NT5C1B: variants seen among roughly 807,000 people sequenced by gnomAD.
NT5C1B encodes cytosolic 5'-nucleotidase 1B.
A neutral mutation model predicts 57.8 loss-of-function variants in NT5C1B; 44 were observed. The ratio of observed to expected loss-of-function variants is 0.76; its 90% confidence interval spans 0.60 to 0.98. NT5C1B has a LOEUF of 0.98. NT5C1B is among the 50% of genes least tolerant of loss of function. The pLI is 0.00. For synonymous variants in NT5C1B, 284 were observed against 282.6 expected (o/e 1.00, Z -0.05); for missense variants, 742 against 719.5 (o/e 1.03, Z -0.36).
At chr2:18,564,586 G>C (rs1220876666) in intron 8 of NT5C1B, among the ~76,000 whole-genome samples, 1 of 152,114 alleles carries the variant, frequency 6.6e-6, no homozygotes, top group Non-Finnish European at 1.5e-5. Flanking sequence ...ATCTAACTGT[G>C]TCTTTCATTT....
chr2:18,585,028 C>T lies in NT5C1B; in HGVS notation c.259-50G>A, dbSNP rs779410902. ...AAGTCGAGGCCTGCCTGCCCATCTCCGGTCAAGGATCTGTCCCTTCTGCCT... is the reference window on the plus strand; with the variant it reads ...AAGTCGAGGCCTGCCTGCCCATCTCTGGTCAAGGATCTGTCCCTTCTGCCT... On this transcript the variant is annotated intron_variant, in intron 3 of 8. Transcript: ENST00000304081. The T allele has an allele frequency of 2.8e-5, 45 of 1,583,474 alleles. No individual in the cohort carries two copies. The Middle Eastern group carries it at 5.2e-4, about 18-fold the overall frequency.
chr2:18,584,202 G>T lies in NT5C1B; in HGVS notation c.777C>A (p.Asn259Lys), dbSNP rs1666452673. ...CGTAGATTTTCCTGCCGTCCACCAT[G>T]TTGAAGAGCGCGCAGGATGAGAGAG... is the stretch of plus-strand genomic sequence containing the variant. The change falls in exon 5 of 9, where the codon AAC (asparagine) becomes AAA (lysine). Residue 259 changes from asparagine (N) to lysine (K), a missense_variant. Physicochemically the swap from Asn to Lys is moderately conservative, Grantham distance 94. Transcript: ENST00000304081. The surrounding 1 kb of genome is among the most constrained non-coding windows in gnomAD (Gnocchi z 5.8). The T allele has an allele frequency of 6.2e-7, 1 of 1,614,072 alleles. No individual in the cohort carries two copies. The highest frequency in any genetic ancestry group is 1.3e-5 in the African/African-American group (1 of 74,922).
intron 8 of NT5C1B, among the ~76,000 whole-genome samples, chr2:18,568,789 G>A (rs11903725): frequency 0.19 from 29,498 of 151,928 alleles, 5,857 homozygotes; most frequent in African/African-American, 0.51. Context: ...ACTCAAACCC[G>A]CTTGGAGTCT....
At chr2:18,563,681 G>C in exon 9 of NT5C1B, 1 of 1,208,498 alleles carries the variant, frequency 8.3e-7, no homozygotes, top group Non-Finnish European at 1.1e-6. Context: ...CCTTTCCAAA[G>C]AAGCAAAGTT....
At chr2:18,575,554 A>G in intron 8 of NT5C1B, among the ~76,000 whole-genome samples, 1 of 152,216 alleles carries the variant, frequency 6.6e-6, no homozygotes. Flanking sequence ...TTTTGATTTC[A>G]GATTTCCTTT....
intron 8 of NT5C1B, among the ~76,000 whole-genome samples, chr2:18,572,701 T>C (rs999235658): frequency 2.6e-5 from 4 of 152,144 alleles, no homozygotes; most frequent in African/African-American, 9.7e-5. Flanking sequence ...TCAGTAACAT[T>C]TGTCATTAAA....
chr2:18,575,130 G>C (rs576770735), intron 8 of NT5C1B, among the ~76,000 whole-genome samples: 1 of 152,086 alleles, frequency 6.6e-6, no homozygotes, highest in African/African-American at 2.4e-5. Context: ...TTGTTTAAGT[G>C]TTCTTTTTAT....
rs549152101 is a variant in NT5C1B at position 18,563,148 on chromosome 2, G to A, written c.*648C>T. ...GAGACTTCAAATATGAAACTCTGTG[G>A]ATCAGAGGCATTTAACCCACCAAAT... On this transcript the variant is annotated 3_prime_UTR_variant, in exon 9 of 9. Transcript: ENST00000304081. 6.6e-5 allele frequency: 10 copies of A among 152,086 alleles called. No individual in the cohort carries two copies. The South Asian group carries it at 1.9e-3, about 28-fold the overall frequency. The allele number at this position is 152,086 out of a possible 1,614,324, so 9.4% of individuals were successfully genotyped here. A position where few individuals can be genotyped will look rare whatever the true frequency, so the allele number is the denominator to read the frequency against.
chr2:18,570,911 A>G (rs758186483), intron 8 of NT5C1B, among the ~76,000 whole-genome samples: 3 of 152,230 alleles, frequency 2.0e-5, no homozygotes, highest in Non-Finnish European at 4.4e-5. Context: ...TGTAATTTAC[A>G]TAACAACAGA....
chr2:18,567,048 G>A (rs1664705777), intron 8 of NT5C1B, among the ~76,000 whole-genome samples: 1 of 152,166 alleles, frequency 6.6e-6, no homozygotes, highest in Non-Finnish European at 1.5e-5. Flanking sequence ...GTCCACCAAT[G>A]AGAGAGCATA....
At chr2:18,568,202 T>C (rs996422640) in intron 8 of NT5C1B, among the ~76,000 whole-genome samples, 1 of 150,546 alleles carries the variant, frequency 6.6e-6, no homozygotes, top group African/African-American at 2.4e-5. Flanking sequence ...CATTACATAC[T>C]AAGGACCAAA....
At position 18,584,178 on chromosome 2, in the gene NT5C1B, G is replaced by T; in HGVS notation, c.801C>A (p.Tyr267Ter). The T allele has an allele frequency of 1.9e-6, 3 of 1,614,156 alleles. No individual in the cohort carries two copies. The highest frequency in any genetic ancestry group is 2.5e-6 in the Non-Finnish European group (3 of 1,180,036). Residue 267 changes from tyrosine to a stop codon, truncating the protein, a stop_gained, in exon 5 of 9, where the codon TAC becomes TAA. Coordinates refer to ENST00000304081, the Ensembl canonical transcript of NT5C1B. LOFTEE classifies it high-confidence loss of function. The surrounding 1 kb of genome is among the most constrained non-coding windows in gnomAD (Gnocchi z 5.8). ...TGTACTTTTCCAGACCCTCTTGCTC[G>T]TAGATTTTCCTGCCGTCCACCATGT...
intron 8 of NT5C1B, among the ~76,000 whole-genome samples, chr2:18,574,012 A>G (rs1422099629): frequency 6.6e-6 from 1 of 152,212 alleles, no homozygotes; most frequent in African/African-American, 2.4e-5. Context: ...AAGCAAAGGA[A>G]ACAACAGAGT....
intron 2 of NT5C1B, chr2:18,587,035 A>G (rs373559057): frequency 6.2e-7 from 1 of 1,614,072 alleles, no homozygotes; most frequent in African/African-American, 1.3e-5. Context: ...CACAACAGGC[A>G]CATGTGAATA....
chr2:18,580,439 C>T (rs2148147393), intron 6 of NT5C1B, among the ~76,000 whole-genome samples: 1 of 152,222 alleles, frequency 6.6e-6, no homozygotes, highest in East Asian at 1.9e-4. Flanking sequence ...CATGGAGAAA[C>T]CCTGTCTCTA....
chr2:18,583,892 T>C (rs984357418), intron 5 of NT5C1B, 196 bp downstream of exon 5: 11 of 857,292 alleles, frequency 1.3e-5, no homozygotes, highest in Non-Finnish European at 2.1e-5. Flanking sequence ...TCTAGGGCTG[T>C]GGGCTGGAGT....
chr2:18,584,150 C>G lies in NT5C1B; in HGVS notation c.829G>C (p.Glu277Gln), dbSNP rs780871684. ...ACGTTCTCATTGGTGAGCTGATACT[C>G]CATGTACTTTTCCAGACCCTCTTGC... Residue 277 changes from glutamate to glutamine, a missense_variant, in exon 5 of 9, where the codon GAG becomes CAG. Glu to Gln is a conservative substitution (Grantham distance 29). Transcript: ENST00000304081. This position sits in a 1 kb window ranked among gnomAD's most constrained non-coding sequence, Gnocchi z 5.8. The G allele has an allele frequency of 3.7e-6, 6 of 1,614,054 alleles. No individual in the cohort carries two copies. Among genetic ancestry groups the G allele is most frequent in the Non-Finnish European group, 5.1e-6 (6 of 1,180,046 alleles).
At chr2:18,575,961 G>T (rs1344222576) in intron 8 of NT5C1B, among the ~76,000 whole-genome samples, 1 of 152,080 alleles carries the variant, frequency 6.6e-6, no homozygotes, top group Non-Finnish European at 1.5e-5. Flanking sequence ...TTTCCAAAAG[G>T]ATAGATAAAA....
intron 8 of NT5C1B, among the ~76,000 whole-genome samples, chr2:18,569,676 G>A (rs1369808804): frequency 6.6e-6 from 1 of 151,806 alleles, no homozygotes; most frequent in Non-Finnish European, 1.5e-5. Flanking sequence ...TAAATATGTA[G>A]GCACCTAAAA....
Sources: gnomAD v4.1 joint callset for allele counts (sites outside exome capture counted in the v4.1 genomes callset) on GRCh38, gnomAD v4.1.1 for gene constraint, Gnocchi (gnomAD v3.1) non-coding constraint, MANE v1.5 for transcripts, NCBI Gene and HGNC (gene_info 2026-07-23, HGNC 2026-07-21) for gene names.